NPHP4: variants seen among roughly 807,000 people sequenced by gnomAD.
NPHP4 encodes the protein nephrocystin-4.
In NPHP4, 151 loss-of-function variants were observed where a neutral mutation model predicts 155.8. The ratio of observed to expected loss-of-function variants is 0.97; its 90% CI spans 0.85 to 1.11. The LOEUF (loss-of-function observed/expected upper bound fraction) is 1.11. Ranked by LOEUF, NPHP4 falls within the 50% of genes least tolerant of loss-of-function variation. NPHP4 has a pLI of 0.00. For missense variants in NPHP4, 1,956 were observed against 1,925.7 expected, an observed-to-expected ratio of 1.02 and a Z score of -0.29; for synonymous variants, 845 against 816.8, an observed-to-expected ratio of 1.03 and a Z score of -0.59.
Position 5,869,268 on chromosome 1 carries a change from C to A in NPHP4, c.3316-1372G>T, listed in dbSNP as rs376047937. Among the ~76,000 whole-genome samples, 13 of 138,478 alleles carry A rather than the reference C, an allele frequency of 9.4e-5. No individual in the cohort carries two copies. In the East Asian group the frequency reaches 1.3e-3, roughly 14 times the overall value. 90.8% of individuals were successfully genotyped at this position (138,478 alleles called of 152,430 possible). ...ACACACACACATGCACACCCACATG[C>A]ATGCATGCATCCATACATGTACACA... On this transcript the variant is annotated intron_variant, in intron 23 of 29. Coordinates refer to ENST00000378156, the MANE Select transcript of NPHP4 (RefSeq NM_015102.5).
chr1:5,990,760 AAGT>A (rs1656127637), intron 1 of NPHP4, among the ~76,000 whole-genome samples: 1 of 152,212 alleles, frequency 6.6e-6, no homozygotes, highest in Admixed American at 6.5e-5. Context: ...CAGAGGGAAA[AAGT>A]AAGAGCACCA....
chr1:5,987,443 A>G (rs1403918283), intron 1 of NPHP4, among the ~76,000 whole-genome samples: 1 of 152,092 alleles, frequency 6.6e-6, no homozygotes, highest in Non-Finnish European at 1.5e-5. Context: ...CCCAGGTGTT[A>G]TCTCTTTCAC....
rs1645002926 is a variant in NPHP4 at position 5,908,117 on chromosome 1, C to CG, written c.1504-896dup. Among the ~76,000 whole-genome samples, 3 of 152,246 alleles carry CG rather than the reference C, an allele frequency of 2.0e-5. No individual in the cohort carries two copies. In the South Asian group the frequency reaches 6.2e-4, roughly 32 times the overall value. On this transcript the variant is annotated intron_variant, in intron 12 of 29. Transcript: ENST00000378156. Reference sequence around the variant, plus strand: ...GAGGCACTGAGGAATGAATGGGGGGCGGGGTGCATGAAGCATCCCCAGGGG... The same window carrying CG: ...GAGGCACTGAGGAATGAATGGGGGGCGGGGGTGCATGAAGCATCCCCAGGGG...
intron 9 of NPHP4, among the ~76,000 whole-genome samples, chr1:5,942,338 TG>T (rs1286823288): frequency 6.6e-6 from 1 of 152,098 alleles, no homozygotes; most frequent in Non-Finnish European, 1.5e-5. Flanking sequence ...GAGACCATCC[TG>T]GCTAACATGG....
At chr1:5,866,791 G>A (rs12124013) in intron 25 of NPHP4, among the ~76,000 whole-genome samples, 25 of 152,090 alleles carry the variant, frequency 1.6e-4, no homozygotes, top group South Asian at 4.2e-4. Context: ...ACTTTGCTTC[G>A]TGCCTTTTTA....
chr1:5,865,381 G>C, intron 26 of NPHP4, 108 bp from the exon 27 acceptor site: 1 of 1,063,398 alleles, frequency 9.4e-7, no homozygotes, highest in South Asian at 1.8e-5. Context: ...GGCTGTGCAG[G>C]GAAAGCCCCA....
At chr1:5,932,048 G>C (rs1286922181) in intron 10 of NPHP4, among the ~76,000 whole-genome samples, 1 of 152,074 alleles carries the variant, frequency 6.6e-6, no homozygotes, top group Non-Finnish European at 1.5e-5. Flanking sequence ...ACTCCAGCCA[G>C]GGCAACAGAG....
intron 11 of NPHP4, among the ~76,000 whole-genome samples, chr1:5,918,283 T>A (rs975965112): frequency 1.5e-4 from 23 of 152,206 alleles, no homozygotes; most frequent in African/African-American, 5.5e-4. Flanking sequence ...TATGCCTTTT[T>A]AAATGTGGGA....
intron 1 of NPHP4, chr1:5,991,357 A>T (rs747518366): frequency 1.3e-5 from 2 of 152,182 alleles, no homozygotes; most frequent in Non-Finnish European, 2.9e-5. Context: ...TGCACAGAGG[A>T]GGTGCAACGA....
intron 16 of NPHP4, among the ~76,000 whole-genome samples, chr1:5,895,689 A>G (rs1372237476): frequency 6.6e-6 from 1 of 152,192 alleles, no homozygotes; most frequent in Non-Finnish European, 1.5e-5. Flanking sequence ...GTCTGTCAAC[A>G]CCACTGAAGC....
At chr1:5,900,571 G>A (rs114911605) in intron 16 of NPHP4, among the ~76,000 whole-genome samples, 3,060 of 152,194 alleles carry the variant, frequency 0.02, 95 homozygotes, top group African/African-American at 0.069. Context: ...TAGGTGGAGC[G>A]CAGGGGAGGT....
intron 16 of NPHP4, among the ~76,000 whole-genome samples, chr1:5,896,351 G>A (rs1479657830): frequency 1.3e-5 from 2 of 152,164 alleles, no homozygotes; most frequent in African/African-American, 4.8e-5. Context: ...ATATCAAACT[G>A]GAGCTAAGAA....
chr1:5,960,914 T>C (rs1215338763), intron 6 of NPHP4, among the ~76,000 whole-genome samples: 1 of 152,160 alleles, frequency 6.6e-6, no homozygotes, highest in African/African-American at 2.4e-5. Flanking sequence ...CACACCCATG[T>C]TCACAGCAGC....
intron 9 of NPHP4, among the ~76,000 whole-genome samples, chr1:5,942,565 T>C (rs1348593783): frequency 1.1e-5 from 1 of 93,984 alleles, no homozygotes; most frequent in Non-Finnish European, 2.2e-5. Flanking sequence ...GACTAAAATA[T>C]TAAAAATAAA....
chr1:5,951,744 C>T (rs1202813299), intron 7 of NPHP4, among the ~76,000 whole-genome samples: 3 of 152,222 alleles, frequency 2.0e-5, no homozygotes, highest in African/African-American at 7.2e-5. Context: ...AGTCCCCAAA[C>T]CTGCAAAGGC....
chr1:5,962,006 T>C, intron 5 of NPHP4, 57 bp from the exon 6 acceptor site: 2 of 1,381,528 alleles, frequency 1.4e-6, no homozygotes, highest in Non-Finnish European at 2.0e-6. Flanking sequence ...GTGCTTCCAG[T>C]CAAACCAGCC....
At chr1:5,952,258 C>T (rs1472286412) in intron 7 of NPHP4, among the ~76,000 whole-genome samples, 1 of 152,210 alleles carries the variant, frequency 6.6e-6, no homozygotes, top group African/African-American at 2.4e-5. Flanking sequence ...ATGTCCCCGC[C>T]GACGTCCTCT....
intron 9 of NPHP4, among the ~76,000 whole-genome samples, chr1:5,946,263 C>T (rs796944821): frequency 3.5e-4 from 53 of 152,292 alleles, no homozygotes; most frequent in African/African-American, 1.2e-3. Context: ...ATTTGGGTTT[C>T]TCAAAGAATC....
chr1:5,963,133 C>T (rs1484075405), intron 5 of NPHP4, among the ~76,000 whole-genome samples: 1 of 152,192 alleles, frequency 6.6e-6, no homozygotes, highest in Non-Finnish European at 1.5e-5. Flanking sequence ...AAACTAGGTC[C>T]GCCATGGGGG....
Sources: gnomAD v4.1 joint callset for allele counts (sites outside exome capture counted in the v4.1 genomes callset) on GRCh38, gnomAD v4.1.1 for gene constraint, MANE v1.5 for transcripts, NCBI Gene and HGNC (gene_info 2026-07-23, HGNC 2026-07-21) for gene names.